The following OTULINL variants were observed in gnomAD, a reference collection of about 807,000 sequenced individuals.
The protein encoded by OTULINL is OTU deubiquitinase with linear linkage specificity like.
OTULINL carries 42 observed loss-of-function variants against 43.9 expected under a neutral mutation model. That is an observed-to-expected ratio of 0.96 (90% CI 0.75 to 1.24). The LOEUF (loss-of-function observed/expected upper bound fraction) is 1.24, where lower values mean the gene tolerates loss of function less well. OTULINL is among the 50% of genes most tolerant of loss of function. The pLI, the probability that OTULINL is intolerant of heterozygous loss-of-function variation, is 0.00. For synonymous variants in OTULINL, 172 were observed against 153.6 expected, an observed-to-expected ratio of 1.12 and a Z score of -0.88; for missense variants, 411 against 426.4, an observed-to-expected ratio of 0.96 and a Z score of 0.32.
At chr5:14,588,720 A>G (rs972399069) in intron 1 of OTULINL, among the ~76,000 whole-genome samples, 1 of 152,188 alleles carries the variant, frequency 6.6e-6, no homozygotes, top group African/African-American at 2.4e-5. Context: ...CCTGGCTTCA[A>G]TGCTCACTGT....
intron 1 of OTULINL, among the ~76,000 whole-genome samples, chr5:14,593,422 C>T (rs944201395): frequency 3.3e-5 from 5 of 152,122 alleles, no homozygotes; most frequent in African/African-American, 1.2e-4. Context: ...GTGATTAGTC[C>T]TCTAGCTAGA....
intron 1 of OTULINL, among the ~76,000 whole-genome samples, chr5:14,588,257 G>A (rs1202109058): frequency 6.6e-6 from 1 of 152,178 alleles, no homozygotes; most frequent in South Asian, 2.1e-4. Flanking sequence ...AAAATAAGGA[G>A]GCCTTTGGAG....
At chr5:14,582,842 A>G (rs1172790964) in intron 1 of OTULINL, among the ~76,000 whole-genome samples, 1 of 135,488 alleles carries the variant, frequency 7.4e-6, no homozygotes, top group South Asian at 2.3e-4. Flanking sequence ...AAAAAAAATC[A>G]CCCGACAAGG....
At chr5:14,609,716 C>T (rs1409965519) in intron 7 of OTULINL, among the ~76,000 whole-genome samples, 2 of 149,358 alleles carry the variant, frequency 1.3e-5, no homozygotes, top group South Asian at 2.1e-4. Context: ...CTGCAAGCTC[C>T]GCCTTCCGGG....
At position 14,609,009 on chromosome 5, in the gene OTULINL, C is replaced by A; in HGVS notation, c.889C>A (p.Leu297Ile). The change falls in exon 7 of 8, where the codon CTA (leucine) becomes ATA (isoleucine). Residue 297 changes from leucine (L) to isoleucine (I), a missense_variant. By Grantham distance (5) the Leu-to-Ile change is conservative (BLOSUM62 2). Transcript: ENST00000274217. ...HLNSVGDTCG[L>I]EQIDMFILGY... ...GAATTCTGTAGGCGACACATGTGGACTAGAGCAGGTAACCGGGGAGGAAGA... is the reference window on the plus strand; with the variant it reads ...GAATTCTGTAGGCGACACATGTGGAATAGAGCAGGTAACCGGGGAGGAAGA... 6.2e-7 allele frequency: 1 copy of A among 1,606,118 alleles called. No homozygotes were observed. Among genetic ancestry groups the A allele is most frequent in the Middle Eastern group, 1.7e-4 (1 of 6,026 alleles).
chr5:14,608,484 C>T (rs916354499), intron 6 of OTULINL, among the ~76,000 whole-genome samples: 3 of 152,146 alleles, frequency 2.0e-5, no homozygotes, highest in Non-Finnish European at 2.9e-5. Flanking sequence ...GACCTAATCA[C>T]GTCCCAAAGG....
chr5:14,615,015 C>T lies in OTULINL; in HGVS notation c.*4701C>T, dbSNP rs566948919. 6.2e-5 allele frequency: 21 copies of T among 339,578 alleles called. No homozygotes were observed. The highest frequency in any genetic ancestry group is 2.3e-4 in the African/African-American group (11 of 47,390). The allele number at this position is 339,578 out of a possible 1,614,324, so 21.0% of individuals were successfully genotyped here. On this transcript the variant is annotated 3_prime_UTR_variant, in exon 8 of 8. Coordinates refer to ENST00000274217, the MANE Select transcript of OTULINL (RefSeq NM_019018.3). ...AAGTACATGTTTTAAGTATTTTCATCGTAGTCTAGATGGGCTGTAAAACCC... is the reference window on the plus strand; with the variant it reads ...AAGTACATGTTTTAAGTATTTTCATTGTAGTCTAGATGGGCTGTAAAACCC...
rs1350180798 is a variant in OTULINL at position 14,608,916 on chromosome 5, A to G, written c.796A>G (p.Ser266Gly). 11 of 1,613,998 alleles carry G rather than the reference A, an allele frequency of 6.8e-6. No homozygotes were observed. Among genetic ancestry groups the G allele is most frequent in the South Asian group, 1.1e-5 (1 of 91,094 alleles). Residue 266 changes from serine (S) to glycine (G), a missense_variant, in exon 7 of 8, where the codon AGT becomes GGT. By Grantham distance (56) the Ser-to-Gly change is moderately conservative (BLOSUM62 0). Transcript: ENST00000274217. ...AATGAAGACTAAAAAGGTCATTCCC[A>G]GTCTTTTTAGACTCCTGTTTTCCAG... ...EQMKTKKVIP[S>G]LFRLLFSRET...
In OTULINL at chr5:14,601,397, A is replaced by T; in HGVS notation, c.303A>T (p.Ala101=). The T allele has an allele frequency of 6.2e-7, 1 of 1,614,184 alleles. No homozygotes were observed. Among genetic ancestry groups the T allele is most frequent in the South Asian group, 1.1e-5 (1 of 91,084 alleles). The stretch of plus-strand genomic sequence containing the variant: ...AGGTTGATTTACTCAGTTATTGTGC[A>T]AGAGAATGGAAAGGAGAGACACCCC... ...EAEVDLLSYC[A]REWKGETPRN... is the part of the protein sequence containing the mutation. The change falls in exon 4 of 8, where the codon GCA becomes GCT. Residue 101 remains alanine, a synonymous_variant. Coordinates refer to ENST00000274217, the MANE Select transcript of OTULINL (RefSeq NM_019018.3).
At chr5:14,609,671 C>T (rs1162665373) in intron 7 of OTULINL, among the ~76,000 whole-genome samples, 18 of 139,334 alleles carry the variant, frequency 1.3e-4, no homozygotes, top group Non-Finnish European at 1.7e-4. Flanking sequence ...CGTTCTGTCG[C>T]CCAGGCGGGA....
intron 1 of OTULINL, among the ~76,000 whole-genome samples, chr5:14,591,256 CT>C (rs1339275903): frequency 1.3e-5 from 2 of 152,160 alleles, no homozygotes; most frequent in Non-Finnish European, 2.9e-5. Flanking sequence ...CTGGATAATC[CT>C]TTGTTTCCCT....
intron 7 of OTULINL, among the ~76,000 whole-genome samples, chr5:14,609,933 T>C (rs1232876891): frequency 1.3e-5 from 2 of 152,206 alleles, no homozygotes; most frequent in Non-Finnish European, 2.9e-5. Flanking sequence ...TTTTACATGC[T>C]AGTCTACAGA....
chr5:14,608,479 A>C (rs555101713), intron 6 of OTULINL, among the ~76,000 whole-genome samples: 4 of 152,302 alleles, frequency 2.6e-5, no homozygotes, highest in Admixed American at 6.5e-5. Flanking sequence ...GTCAGGACCT[A>C]ATCACGTCCC....
intron 1 of OTULINL, among the ~76,000 whole-genome samples, chr5:14,586,138 C>T (rs1759098415): frequency 6.6e-6 from 1 of 152,178 alleles, no homozygotes; most frequent in Non-Finnish European, 1.5e-5. Flanking sequence ...TCTCTTCTGT[C>T]CATGTGTGTC....
chr5:14,583,529 G>T lies in OTULINL; in HGVS notation c.64+1571G>T, dbSNP rs375342210. Among the ~76,000 whole-genome samples the T allele has an allele frequency of 7.9e-5, 12 of 152,230 alleles. No homozygotes were observed. The East Asian group carries it at 9.7e-4, about 12-fold the overall frequency. On this transcript the variant is annotated intron_variant, in intron 1 of 7. Transcript: ENST00000274217. Reference sequence around the variant, plus strand: ...GGAGGCAGAAAGGTGCCTTCTCCAGGCTTAACATCATCACCCGGAATTTTT... The same window carrying T: ...GGAGGCAGAAAGGTGCCTTCTCCAGTCTTAACATCATCACCCGGAATTTTT...
rs949556311 is a variant in OTULINL, at chr5:14,615,178, A to T, written c.*4864A>T. Among the ~76,000 whole-genome samples the T allele has an allele frequency of 6.6e-6, 1 of 152,208 alleles. No homozygotes were observed. Among genetic ancestry groups the T allele is most frequent in the African/African-American group, 2.4e-5 (1 of 41,446 alleles). ...TGGAATGCTTTAAGGATGGTTTGTG[A>T]CTTTACCCCATTGTGCCTTATCATT... On this transcript the variant is annotated 3_prime_UTR_variant, in exon 8 of 8. Coordinates refer to ENST00000274217, the MANE Select transcript of OTULINL (RefSeq NM_019018.3).
At position 14,581,960 on chromosome 5, in the gene OTULINL, T is replaced by G; in HGVS notation, c.64+2T>G. 7.4e-7 allele frequency: 1 copy of G among 1,343,180 alleles called. No homozygotes were observed. The highest frequency in any genetic ancestry group is 9.5e-7 in the Non-Finnish European group (1 of 1,047,846). The allele number at this position is 1,343,180 out of a possible 1,614,324, so 83.2% of individuals were successfully genotyped here. A position where few individuals can be genotyped will look rare whatever the true frequency, so the allele number is the denominator to read the frequency against. ...AGCGGTCTGGCGCTCCCGCCGCAGGTGAGCCTGGGGCCGGGCGGGGCGGGG... is the reference window on the plus strand; with the variant it reads ...AGCGGTCTGGCGCTCCCGCCGCAGGGGAGCCTGGGGCCGGGCGGGGCGGGG... On this transcript the variant is annotated splice_donor_variant, in intron 1 of 7. Transcript: ENST00000274217. LOFTEE classifies it high-confidence loss of function.
At chr5:14,595,335 A>C (rs1370765597) in intron 1 of OTULINL, among the ~76,000 whole-genome samples, 1 of 152,180 alleles carries the variant, frequency 6.6e-6, no homozygotes, top group Non-Finnish European at 1.5e-5. Context: ...CTGGCCCATG[A>C]GGAAGTAGAG....
rs969092363 is a variant in OTULINL at position 14,611,767 on chromosome 5, A to T, written c.*1453A>T. 6.6e-6 allele frequency: 1 copy of T among 152,086 alleles called. No individual in the cohort carries two copies. Among genetic ancestry groups the T allele is most frequent in the East Asian group, 1.9e-4 (1 of 5,192 alleles). 9.4% of individuals were successfully genotyped at this position (152,086 alleles called of 1,614,324 possible). On this transcript the variant is annotated 3_prime_UTR_variant, in exon 8 of 8. Transcript: ENST00000274217. Reference sequence around the variant, plus strand: ...GTTTCAGTACATAAGAATAATTTTTAAAATCTTGCTAATTATATATTACTT... The same window carrying T: ...GTTTCAGTACATAAGAATAATTTTTTAAATCTTGCTAATTATATATTACTT...
Sources: gnomAD v4.1 joint callset for allele counts (sites outside exome capture counted in the v4.1 genomes callset) on GRCh38, gnomAD v4.1.1 for gene constraint, MANE v1.5 for transcripts, NCBI Gene and HGNC (gene_info 2026-07-23, HGNC 2026-07-21) for gene names.